Variants in CDH12 observed in about 807,000 individuals in gnomAD.
CDH12 encodes the protein cadherin-12.
A neutral mutation model predicts 74.1 loss-of-function variants in CDH12; 41 were observed. The ratio of observed to expected loss-of-function variants is 0.55; its 90% CI spans 0.43 to 0.72. The LOEUF is 0.72. CDH12 is among the 30% of genes least tolerant of loss of function. The pLI, the probability that CDH12 is intolerant of heterozygous loss-of-function variation, is 0.00. For synonymous variants in CDH12, 399 were observed against 355.0 expected (o/e 1.12, Z -1.39); for missense variants, 945 against 977.2 (o/e 0.97, Z 0.44).
In CDH12 at chr5:21,815,163, T is replaced by A. The variant is rs956937523; in HGVS notation, c.1002+1782A>T. Among the ~76,000 whole-genome samples the A allele has an allele frequency of 4.6e-5, 7 of 152,120 alleles. No individual in the cohort carries two copies. The East Asian group carries it at 1.3e-3, about 29-fold the overall frequency. On this transcript the variant is annotated intron_variant, in intron 9 of 14. Transcript: ENST00000382254. ...CATTACCATATATATTGCTTCCTTGTTAAAATTCAGAATTCCTGAGCAAAT... is the reference window on the plus strand; with the variant it reads ...CATTACCATATATATTGCTTCCTTGATAAAATTCAGAATTCCTGAGCAAAT...
chr5:21,982,429 C>A (rs1757343922), intron 5 of CDH12, among the ~76,000 whole-genome samples: 1 of 151,524 alleles, frequency 6.6e-6, no homozygotes, highest in Non-Finnish European at 1.5e-5. Flanking sequence ...TATAACAAAT[C>A]TTTATATATC....
chr5:22,530,921 G>T (rs866866854), intron 1 of CDH12, among the ~76,000 whole-genome samples: 2 of 151,150 alleles, frequency 1.3e-5, no homozygotes, highest in Non-Finnish European at 2.9e-5. Flanking sequence ...TTTCCTCATT[G>T]CTGAACAAGG....
chr5:21,991,122 T>C (rs902623720), intron 5 of CDH12, among the ~76,000 whole-genome samples: 3 of 151,802 alleles, frequency 2.0e-5, no homozygotes, highest in African/African-American at 7.3e-5. Flanking sequence ...AAAAATACTT[T>C]CGACTGCCCA....
At chr5:22,679,030 C>A (rs185078974) in intron 1 of CDH12, among the ~76,000 whole-genome samples, 1 of 152,038 alleles carries the variant, frequency 6.6e-6, no homozygotes, top group African/African-American at 2.4e-5. Context: ...ATCCATGGGA[C>A]GTTCAGACAA....
intron 6 of CDH12, among the ~76,000 whole-genome samples, chr5:21,861,674 C>T (rs1037247817): frequency 6.6e-6 from 1 of 152,012 alleles, no homozygotes; most frequent in African/African-American, 2.4e-5. Context: ...CTATTACAAA[C>T]AATTCTGCTA....
intron 11 of CDH12, among the ~76,000 whole-genome samples, chr5:21,769,742 C>A (rs1396512434): frequency 6.6e-6 from 1 of 152,074 alleles, no homozygotes; most frequent in Admixed American, 6.6e-5. Context: ...AGTTCTCATG[C>A]TATTCTTCGT....
intron 2 of CDH12, among the ~76,000 whole-genome samples, chr5:22,441,378 T>C (rs1744615519): frequency 1.3e-5 from 2 of 152,208 alleles, no homozygotes; most frequent in Middle Eastern, 3.4e-3. Flanking sequence ...TCATTGAAGA[T>C]ATTTTTTTTT....
intron 1 of CDH12, among the ~76,000 whole-genome samples, chr5:22,661,494 A>T (rs964368120): frequency 1.9e-4 from 29 of 152,284 alleles, no homozygotes; most frequent in African/African-American, 7.0e-4. Context: ...ATTTCATTGT[A>T]AATTATTGAC....
intron 10 of CDH12, among the ~76,000 whole-genome samples, chr5:21,794,195 G>A (rs1746653954): frequency 6.6e-6 from 1 of 151,448 alleles, no homozygotes; most frequent in South Asian, 2.1e-4. Context: ...TGAACTTTAT[G>A]GGGATTAACC....
chr5:22,737,642 A>G (rs1173070518), intron 1 of CDH12, among the ~76,000 whole-genome samples: 1 of 152,074 alleles, frequency 6.6e-6, no homozygotes, highest in Admixed American at 6.6e-5. Flanking sequence ...ACCTTAAAAA[A>G]CATCTAAGAC....
chr5:22,670,216 A>G (rs1740835186), intron 1 of CDH12, among the ~76,000 whole-genome samples: 1 of 151,970 alleles, frequency 6.6e-6, no homozygotes, highest in Non-Finnish European at 1.5e-5. Flanking sequence ...GAGACTTGCT[A>G]TGTTGTTGCC....
intron 4 of CDH12, among the ~76,000 whole-genome samples, chr5:22,202,113 C>A (rs1434177684): frequency 6.6e-6 from 1 of 151,438 alleles, no homozygotes; most frequent in Non-Finnish European, 1.5e-5. Flanking sequence ...CCCTCTGCCC[C>A]TCCCTCCCTC....
chr5:22,240,091 T>A (rs1256266749), intron 3 of CDH12, among the ~76,000 whole-genome samples: 1 of 152,184 alleles, frequency 6.6e-6, no homozygotes, highest in East Asian at 1.9e-4. Context: ...AGATAATTCA[T>A]TTTCTCATAG....
intron 3 of CDH12, among the ~76,000 whole-genome samples, chr5:22,244,842 A>T (rs1313161819): frequency 6.6e-6 from 1 of 152,032 alleles, no homozygotes; most frequent in African/African-American, 2.4e-5. Context: ...AGAGAGGAAG[A>T]GAGAGGTTGT....
At chr5:22,654,322 T>C (rs1416437575) in intron 1 of CDH12, among the ~76,000 whole-genome samples, 2 of 151,932 alleles carry the variant, frequency 1.3e-5, no homozygotes, top group Non-Finnish European at 2.9e-5. Context: ...AGAGTCTCGC[T>C]CTTGTCACCC....
At chr5:22,263,080 T>C (rs1753582839) in intron 3 of CDH12, among the ~76,000 whole-genome samples, 1 of 151,786 alleles carries the variant, frequency 6.6e-6, no homozygotes, top group Non-Finnish European at 1.5e-5. Context: ...AAAAAATACA[T>C]GAAAAAATGC....
intron 4 of CDH12, among the ~76,000 whole-genome samples, chr5:22,137,566 T>G (rs149047267): frequency 6.6e-6 from 1 of 152,070 alleles, no homozygotes; most frequent in Non-Finnish European, 1.5e-5. Flanking sequence ...CATGCATGTA[T>G]TAGAAGTCAG....
chr5:22,483,998 T>C (rs1413871338), intron 2 of CDH12, among the ~76,000 whole-genome samples: 1 of 151,284 alleles, frequency 6.6e-6, no homozygotes, highest in East Asian at 2.0e-4. Context: ...AGAAATTGTT[T>C]ATAGCAAACA....
chr5:21,816,148 T>A (rs1233294815), intron 9 of CDH12, among the ~76,000 whole-genome samples: 1 of 152,134 alleles, frequency 6.6e-6, no homozygotes, highest in African/African-American at 2.4e-5. Flanking sequence ...GCCTCTGCCA[T>A]CCCTGACACA....
Sources: gnomAD v4.1 joint callset for allele counts (sites outside exome capture counted in the v4.1 genomes callset) on GRCh38, gnomAD v4.1.1 for gene constraint, MANE v1.5 for transcripts, NCBI Gene and HGNC (gene_info 2026-07-23, HGNC 2026-07-21) for gene names.